SMYD3: variants seen among roughly 807,000 people sequenced by gnomAD.
The protein encoded by SMYD3 is histone-lysine N-methyltransferase SMYD3.
SMYD3 carries 36 observed loss-of-function variants against 57.7 expected under a neutral mutation model. That is an observed-to-expected ratio of 0.62 (90% CI 0.48 to 0.82). The LOEUF is 0.82. SMYD3 is among the 40% of genes least tolerant of loss of function. SMYD3 has a pLI of 0.00. For missense variants in SMYD3, 515 were observed against 538.8 expected (o/e 0.96, Z 0.44); for synonymous variants, 211 against 195.0 (o/e 1.08, Z -0.68).
In SMYD3 at chr1:246,006,542, C is replaced by T. The variant is rs370275292; in HGVS notation, c.532-76605G>A. 2.6e-3 allele frequency among the ~76,000 whole-genome samples: 400 copies of T among 151,536 alleles called. 1 individual carries two copies. The highest frequency in any genetic ancestry group is 9.3e-3 in the African/African-American group (388 of 41,506). The stretch of plus-strand genomic sequence containing the variant: ...AGGGGGAAAGCTGGAAAGTGATATG[C>T]AGCCCCTGTATAATTCTGACTTATT... On this transcript the variant is annotated intron_variant, in intron 5 of 11. Coordinates refer to ENST00000490107, the MANE Select transcript of SMYD3 (RefSeq NM_001167740.2).
chr1:246,184,765 G>A (rs2148298299), intron 5 of SMYD3, among the ~76,000 whole-genome samples: 1 of 152,276 alleles, frequency 6.6e-6, no homozygotes, highest in Non-Finnish European at 1.5e-5. Flanking sequence ...TTAGCAAGGA[G>A]GCACCATCTG....
intron 5 of SMYD3, among the ~76,000 whole-genome samples, chr1:245,954,953 C>G (rs1237804645): frequency 6.6e-6 from 1 of 152,174 alleles, no homozygotes; most frequent in African/African-American, 2.4e-5. Flanking sequence ...CCAGTAGTTG[C>G]AGAATAAAGA....
At chr1:245,880,434 G>C (rs1484743104) in intron 8 of SMYD3, among the ~76,000 whole-genome samples, 1 of 152,120 alleles carries the variant, frequency 6.6e-6, no homozygotes, top group Non-Finnish European at 1.5e-5. Context: ...ATCACTCCTT[G>C]GTAGGAATCA....
At chr1:246,329,724 T>G (rs1306921710) in intron 4 of SMYD3, among the ~76,000 whole-genome samples, 7 of 152,212 alleles carry the variant, frequency 4.6e-5, no homozygotes, top group African/African-American at 1.7e-4. Context: ...TTTTTGCTTT[T>G]GTTGCCATTG....
chr1:246,295,069 ACTC>A (rs1182170078), intron 5 of SMYD3, among the ~76,000 whole-genome samples: 1 of 152,108 alleles, frequency 6.6e-6, no homozygotes, highest in Non-Finnish European at 1.5e-5. Flanking sequence ...TATTTTATGT[ACTC>A]CTTTGTTAAA....
intron 10 of SMYD3, among the ~76,000 whole-genome samples, chr1:245,823,503 C>G (rs529884835): frequency 1.3e-5 from 2 of 152,214 alleles, no homozygotes; most frequent in Non-Finnish European, 2.9e-5. Flanking sequence ...TTTCCTGGGC[C>G]AAATGCATTG....
Position 246,077,693 on chromosome 1 carries a change from A to G in SMYD3, c.532-147756T>C, listed in dbSNP as rs1241390315. On this transcript the variant is annotated intron_variant, in intron 5 of 11. Transcript: ENST00000490107. ...TAATACAGGATTTCCTTTGCAAATTATCCAGGCTTTTTCCCATTCTGGCGT... is the reference window on the plus strand; with the variant it reads ...TAATACAGGATTTCCTTTGCAAATTGTCCAGGCTTTTTCCCATTCTGGCGT... 2.0e-5 allele frequency among the ~76,000 whole-genome samples: 3 copies of G among 152,096 alleles called. No homozygotes were observed. In the East Asian group the frequency reaches 5.8e-4, roughly 29 times the overall value.
At chr1:246,040,477 A>T (rs2059849962) in intron 5 of SMYD3, among the ~76,000 whole-genome samples, 2 of 152,206 alleles carry the variant, frequency 1.3e-5, no homozygotes, top group South Asian at 4.1e-4. Flanking sequence ...AATGAAGCTG[A>T]TGCTGCCGTC....
At chr1:246,265,619 A>T (rs1156353397) in intron 5 of SMYD3, among the ~76,000 whole-genome samples, 1 of 152,184 alleles carries the variant, frequency 6.6e-6, no homozygotes, top group African/African-American at 2.4e-5. Flanking sequence ...AGCAGCTCTC[A>T]GTATAAACAA....
At position 246,008,363 on chromosome 1, in the gene SMYD3, G is replaced by A. The variant is rs570984282; in HGVS notation, c.532-78426C>T. Among the ~76,000 whole-genome samples the A allele has an allele frequency of 1.2e-3, 178 of 152,296 alleles. 3 individuals are homozygous for A. The Middle Eastern group carries it at 0.014, about 12-fold the overall frequency. On this transcript the variant is annotated intron_variant, in intron 5 of 11. Transcript: ENST00000490107. Reference sequence around the variant, plus strand: ...CTCTTGACACATCCTGTAATGCGACGTAAATAAGAAATAAAGGTGGGCCTC... The same window carrying A: ...CTCTTGACACATCCTGTAATGCGACATAAATAAGAAATAAAGGTGGGCCTC...
At chr1:245,983,304 G>C (rs750947488) in intron 5 of SMYD3, among the ~76,000 whole-genome samples, 3 of 152,174 alleles carry the variant, frequency 2.0e-5, no homozygotes, top group Non-Finnish European at 2.9e-5. Context: ...GAAAATTAAT[G>C]ACTAGTTACA....
chr1:246,394,878 A>G (rs1485015691), intron 1 of SMYD3, among the ~76,000 whole-genome samples: 2 of 152,080 alleles, frequency 1.3e-5, no homozygotes, highest in Non-Finnish European at 2.9e-5. Context: ...ATGCTTTCTT[A>G]TATAAGACAG....
chr1:246,075,714 CTCTT>C (rs2060533938), intron 5 of SMYD3, among the ~76,000 whole-genome samples: 1 of 152,070 alleles, frequency 6.6e-6, no homozygotes, highest in Non-Finnish European at 1.5e-5. Flanking sequence ...GTATAAAAGA[CTCTT>C]TCTCTGAATT....
At position 245,956,068 on chromosome 1, in the gene SMYD3, T is replaced by G. The variant is rs11805795; in HGVS notation, c.532-26131A>C. 5.8e-4 allele frequency: 574 copies of G among 983,598 alleles called. 3 individuals carry two copies. In the African/African-American group the frequency reaches 9.1e-3, roughly 16 times the overall value. The allele number at this position is 983,598 out of a possible 1,614,324, so 60.9% of individuals were successfully genotyped here. Reference sequence around the variant, plus strand: ...TATGTTCATTACTAGGTTATACAAATAGATAACATTATTTTCTATTTTTTC... The same window carrying G: ...TATGTTCATTACTAGGTTATACAAAGAGATAACATTATTTTCTATTTTTTC... On this transcript the variant is annotated intron_variant, in intron 5 of 11. Transcript: ENST00000490107.
chr1:245,807,726 T>C (rs1264937729), intron 10 of SMYD3, among the ~76,000 whole-genome samples: 1 of 151,336 alleles, frequency 6.6e-6, no homozygotes, highest in African/African-American at 2.4e-5. Flanking sequence ...ACGCATCAAG[T>C]GACGGCACCT....
rs1471779073 is a variant in SMYD3, at chr1:246,330,516, A to T, written c.358T>A (p.Ser120Thr). 6.3e-7 allele frequency: 1 copy of T among 1,596,092 alleles called. No homozygotes were observed. Among genetic ancestry groups the T allele is most frequent in the Non-Finnish European group, 8.5e-7 (1 of 1,172,506 alleles). Residue 120 changes from serine to threonine, a missense_variant, in exon 4 of 12, where the codon TCA (serine) becomes ACA (threonine). Coordinates refer to ENST00000490107, the MANE Select transcript of SMYD3 (RefSeq NM_001167740.2). ...TCATAAAATGAGTAAAGCTTCTCTG[A>T]TTCTGAAGGTGCTCCATCCATCTGT... ...FKLMDGAPSE[S>T]EKLYSFYDLE...
chr1:246,101,989 T>C (rs1186444339), intron 5 of SMYD3, among the ~76,000 whole-genome samples: 1 of 152,244 alleles, frequency 6.6e-6, no homozygotes, highest in Admixed American at 6.5e-5. Context: ...TATTCCTAAA[T>C]GCTGATGATT....
chr1:246,087,208 A>G (rs2060736149), intron 5 of SMYD3, among the ~76,000 whole-genome samples: 1 of 152,192 alleles, frequency 6.6e-6, no homozygotes, highest in Admixed American at 6.5e-5. Context: ...TTGCCCTTAT[A>G]GCTACAAACC....
At chr1:246,340,071 A>T (rs747798310) in intron 2 of SMYD3, among the ~76,000 whole-genome samples, 1 of 152,138 alleles carries the variant, frequency 6.6e-6, no homozygotes, top group Non-Finnish European at 1.5e-5. Context: ...AGTTAAACTA[A>T]ATTACAAAGG....
Sources: allele counts gnomAD v4.1 joint callset (sites outside exome capture counted in the v4.1 genomes callset), GRCh38; gene constraint gnomAD v4.1.1; transcripts MANE v1.5; gene names NCBI Gene and HGNC (gene_info 2026-07-23, HGNC 2026-07-21).